HMCN1: variants seen among roughly 807,000 people sequenced by gnomAD.
The protein encoded by HMCN1 is hemicentin 1.
HMCN1 carries 321 observed loss-of-function variants against 625.9 expected under a neutral mutation model. The observed-to-expected ratio is 0.51, with a 90% CI of 0.47 to 0.56. The LOEUF (loss-of-function observed/expected upper bound fraction) is 0.56, where lower values mean the gene tolerates loss of function less well. HMCN1 is among the 20% of genes least tolerant of loss of function. The pLI, the probability that HMCN1 is intolerant of heterozygous loss-of-function variation, is 0.00. For missense variants in HMCN1, 6,588 were observed against 6,887.3 expected, an observed-to-expected ratio of 0.96 and a Z score of 1.54; for synonymous variants, 2,425 against 2,417.6, an observed-to-expected ratio of 1.00 and a Z score of -0.09.
intron 30 of HMCN1, 84 bp from the exon 31 acceptor site, chr1:186,015,075 T>G: frequency 8.4e-7 from 1 of 1,190,416 alleles, no homozygotes; most frequent in Non-Finnish European, 1.2e-6. Flanking sequence ...TTTAAATGCA[T>G]TGTTTAAACA....
In HMCN1 at chr1:185,933,814, C is replaced by T; in HGVS notation, c.1818C>T (p.Leu606=). The T allele has an allele frequency of 6.2e-7, 1 of 1,613,670 alleles. No individual in the cohort carries two copies. Among genetic ancestry groups the T allele is most frequent in the Non-Finnish European group, 8.5e-7 (1 of 1,179,688 alleles). The change falls in exon 11 of 107, where the codon CTC becomes CTT. Residue 606 remains leucine (L), a synonymous_variant. Coordinates refer to ENST00000271588, the MANE Select transcript of HMCN1 (RefSeq NM_031935.3). ...EGGSSAASVF[L]TVQEPPKVTV... is the part of the protein sequence containing the mutation. ...GATCATCAGCCGCTTCAGTTTTCCT[C>T]ACAGTGCAAGGTACAGTGCTTTGGT...
At chr1:185,766,656 G>C (rs1655895656) in intron 1 of HMCN1, among the ~76,000 whole-genome samples, 1 of 152,090 alleles carries the variant, frequency 6.6e-6, no homozygotes, top group South Asian at 2.1e-4. Flanking sequence ...ACAGAGCTAG[G>C]TGTGAATTTA....
At chr1:186,117,767 A>C in intron 77 of HMCN1, 144 bp downstream of exon 77, 2 of 854,060 alleles carry the variant, frequency 2.3e-6, no homozygotes, top group Admixed American at 4.2e-5. Context: ...AGATTGTTAA[A>C]ACATATTTTT....
chr1:186,087,136 G>T, intron 58 of HMCN1, 81 bp from the exon 59 acceptor site: 2 of 852,794 alleles, frequency 2.3e-6, no homozygotes, highest in Admixed American at 3.4e-5. Context: ...AAGGATATAT[G>T]TTGCTATTTA....
At chr1:185,844,712 A>T (rs1238903768) in intron 1 of HMCN1, among the ~76,000 whole-genome samples, 1 of 152,228 alleles carries the variant, frequency 6.6e-6, no homozygotes, top group Non-Finnish European at 1.5e-5. Flanking sequence ...TGATATATCT[A>T]AGCACATGGT....
intron 4 of HMCN1, among the ~76,000 whole-genome samples, chr1:185,882,488 C>A (rs186930779): frequency 4.0e-4 from 60 of 151,716 alleles, no homozygotes; most frequent in Non-Finnish European, 6.8e-4. Flanking sequence ...TTCTGTGTAC[C>A]ATTTGATTTG....
chr1:186,085,083 A>C (rs1263724899), intron 57 of HMCN1, among the ~76,000 whole-genome samples: 1 of 152,096 alleles, frequency 6.6e-6, no homozygotes, highest in African/African-American at 2.4e-5. Flanking sequence ...TGAAGGCAGG[A>C]ATATTGATGT....
At position 186,015,257 on chromosome 1, in the gene HMCN1, C is replaced by A. The variant is rs753336348; in HGVS notation, c.4729C>A (p.Pro1577Thr). 5 of 1,613,580 alleles carry A rather than the reference C, an allele frequency of 3.1e-6. No homozygotes were observed. The highest frequency in any genetic ancestry group is 3.4e-6 in the Non-Finnish European group (4 of 1,179,756). The change falls in exon 31 of 107, where the codon CCT (proline) becomes ACT (threonine). Residue 1577 changes from proline to threonine, a missense_variant. Transcript: ENST00000271588. Reference sequence around the variant, plus strand: ...ATGTGAAACACGGGGACTTCCAATGCCTGCCATTACTTGGTATAAGGACGG... The same window carrying A: ...ATGTGAAACACGGGGACTTCCAATGACTGCCATTACTTGGTATAAGGACGG... Reference protein sequence around the residue: ...LECETRGLPMPAITWYKDGQP... With the variant: ...LECETRGLPMTAITWYKDGQP...
chr1:185,998,950 T>G (rs919807970), intron 25 of HMCN1, among the ~76,000 whole-genome samples: 5 of 152,112 alleles, frequency 3.3e-5, no homozygotes, highest in African/African-American at 1.2e-4. Flanking sequence ...GACAGGCAAC[T>G]GGAGTCTATC....
intron 11 of HMCN1, among the ~76,000 whole-genome samples, chr1:185,934,803 T>C (rs186302025): frequency 6.6e-6 from 1 of 152,294 alleles, no homozygotes; most frequent in Non-Finnish European, 1.5e-5. Flanking sequence ...CAAGGTTACC[T>C]AAGAAAATGA....
chr1:185,962,650 G>T lies in HMCN1; in HGVS notation c.1961G>T (p.Gly654Val). The change falls in exon 12 of 107, where the codon GGT becomes GTT. Residue 654 changes from glycine to valine, a missense_variant. By Grantham distance (109) the Gly-to-Val change is moderately radical. Transcript: ENST00000271588. ...ACCGTTAACGATATGTTTATCGTGG[G>T]TTCACACAGGTACTGGGTTTGTATC... is the stretch of plus-strand genomic sequence containing the variant. ...AWTVNDMFIV[G>V]SHRYRMTSDG... The T allele has an allele frequency of 6.4e-7, 1 of 1,560,226 alleles. No homozygotes were observed.
intron 6 of HMCN1, among the ~76,000 whole-genome samples, chr1:185,912,678 C>T (rs1001868336): frequency 1.3e-5 from 2 of 151,986 alleles, no homozygotes; most frequent in African/African-American, 4.8e-5. Flanking sequence ...AATTAACACC[C>T]CTCGGGAGCA....
In HMCN1 at chr1:186,136,902, G is replaced by A; in HGVS notation, c.13547G>A (p.Gly4516Asp). ...GAATGTGTTGCTCGAAACTTAATGG[G>A]TTCTGTCCTTGTCAGAGTGCCAGTC... ...EFECVARNLM[G>D]SVLVRVPVIV... The change falls in exon 87 of 107, where the codon GGT becomes GAT. Residue 4516 changes from glycine (G) to aspartate (D), a missense_variant. Transcript: ENST00000271588. 6.2e-7 allele frequency: 1 copy of A among 1,613,986 alleles called. No homozygotes were observed. The highest frequency in any genetic ancestry group is 1.7e-5 in the Admixed American group (1 of 60,012).
At chr1:185,793,660 A>G (rs1658153545) in intron 1 of HMCN1, among the ~76,000 whole-genome samples, 1 of 152,250 alleles carries the variant, frequency 6.6e-6, no homozygotes, top group Non-Finnish European at 1.5e-5. Flanking sequence ...AAGATTTAAA[A>G]TGCTGATTAA....
At chr1:185,916,068 A>G (rs111506390) in intron 6 of HMCN1, among the ~76,000 whole-genome samples, 3 of 149,386 alleles carry the variant, frequency 2.0e-5, no homozygotes, top group African/African-American at 7.3e-5. Flanking sequence ...GTGTGTGCAT[A>G]TGTGTGTGTG....
chr1:185,909,057 A>G (rs753678530), intron 4 of HMCN1, among the ~76,000 whole-genome samples: 19 of 152,008 alleles, frequency 1.2e-4, no homozygotes, highest in Non-Finnish European at 2.4e-4. Flanking sequence ...ATATCTCTGC[A>G]TGTCTCCCCT....
rs1341760454 is a variant in HMCN1 at position 186,052,960 on chromosome 1, A to G, written c.6586A>G (p.Asn2196Asp). 1 of 1,603,948 alleles carries G rather than the reference A, an allele frequency of 6.2e-7. No homozygotes were observed. The highest frequency in any genetic ancestry group is 1.7e-5 in the Admixed American group (1 of 59,818). Residue 2196 changes from asparagine to aspartate, a missense_variant, in exon 43 of 107, where the codon AAT (asparagine) becomes GAT (aspartate). This residue lies in a region of HMCN1 where 4,628 missense variants were observed against 4,853.1 expected (regional missense o/e 0.95). Coordinates refer to ENST00000271588, the MANE Select transcript of HMCN1 (RefSeq NM_031935.3). ...TTTTTATTTTTTTCTAGTCCCCCCA[A>G]ATATTGGTGGTTCTGATGAACTTAC... ...NYNVNIWVPP[N>D]IGGSDELTQL... is the part of the protein sequence containing the mutation.
rs556000370 is a variant in HMCN1 at position 186,143,322 on chromosome 1, G to T, written c.13925-851G>T. 5.9e-4 allele frequency among the ~76,000 whole-genome samples: 90 copies of T among 152,280 alleles called. 2 individuals are homozygous for T. The highest frequency in any genetic ancestry group is 3.4e-3 in the Middle Eastern group (1 of 294). ...TCTGCTCATATTTTGATTAAACCAG[G>T]TGACCAAAAGATGTACTTTATGAGC... is the stretch of plus-strand genomic sequence containing the variant. On this transcript the variant is annotated intron_variant, in intron 89 of 106. Transcript: ENST00000271588.
At position 186,120,139 on chromosome 1, in the gene HMCN1, G is replaced by A. The variant is rs142005036; in HGVS notation, c.12223G>A (p.Val4075Ile). The part of the protein sequence containing the change: ...GTALGKIKLN[V>I]QVPPVISPHL... ...AGCCTTGGGCAAAATCAAGTTAAAT[G>A]TCCAAGGTACCTAAATAATTCATCT... Residue 4075 changes from valine to isoleucine, a missense_variant, in exon 80 of 107, where the codon GTC becomes ATC. Physicochemically the swap from Val to Ile is conservative, Grantham distance 29. Coordinates refer to ENST00000271588, the MANE Select transcript of HMCN1 (RefSeq NM_031935.3). 4.3e-6 allele frequency: 7 copies of A among 1,613,614 alleles called. No homozygotes were observed. The highest frequency in any genetic ancestry group is 4.0e-5 in the African/African-American group (3 of 74,880).
Sources: gnomAD v4.1 joint callset for allele counts (sites outside exome capture counted in the v4.1 genomes callset) on GRCh38, gnomAD v4.1.1 for gene constraint, gnomAD v4.1.1 regional missense constraint, MANE v1.5 for transcripts, NCBI Gene and HGNC (gene_info 2026-07-23, HGNC 2026-07-21) for gene names.